MTSS2: variants seen among roughly 807,000 people sequenced by gnomAD.
The protein encoded by MTSS2 is MTSS I-BAR domain containing 2, also known as protein MTSS 2.
A neutral mutation model predicts 67.1 loss-of-function variants in MTSS2; 27 were observed. The observed-to-expected ratio is 0.40, with a 90% CI of 0.30 to 0.55. MTSS2 has a LOEUF of 0.55. Among genes scored for constraint, MTSS2 ranks in the 20% least tolerant of loss-of-function variants. MTSS2 has a pLI of 0.43. For missense variants in MTSS2, 1,171 were observed against 1,067.8 expected (o/e 1.10, Z -1.35); for synonymous variants, 624 against 468.6 (o/e 1.33, Z -4.28).
intron 11 of MTSS2, among the ~76,000 whole-genome samples, chr16:70,666,383 C>T (rs374964241): frequency 6.6e-6 from 1 of 152,190 alleles, no homozygotes; most frequent in South Asian, 2.1e-4. Flanking sequence ...GCGAGGCCCC[C>T]CACTCCTAAA....
Position 70,661,558 on chromosome 16 carries a change from C to CA in MTSS2, c.*2118dup. The CA allele has an allele frequency of 2.8e-6, 1 of 351,502 alleles. No homozygotes were observed. Among genetic ancestry groups the CA allele is most frequent in the Non-Finnish European group, 5.6e-6 (1 of 178,592 alleles). 21.8% of individuals were successfully genotyped at this position (351,502 alleles called of 1,614,324 possible). On this transcript the variant is annotated 3_prime_UTR_variant, in exon 15 of 15. Transcript: ENST00000338779. Reference sequence around the variant, plus strand: ...TAAACGAACGTAAAGTCCCCCAAACCAAAGTTTGTGATGTGGGATGGTTGG... The same window carrying CA: ...TAAACGAACGTAAAGTCCCCCAAACCAAAAGTTTGTGATGTGGGATGGTTGG...
At position 70,681,032 on chromosome 16, in the gene MTSS2, G is replaced by A; in HGVS notation, c.70-7C>T. On this transcript the variant is annotated splice_region_variant and splice_polypyrimidine_tract_variant and intron_variant, in intron 1 of 14. Coordinates refer to ENST00000338779, the MANE Select transcript of MTSS2 (RefSeq NM_138383.3). The stretch of plus-strand genomic sequence containing the variant: ...CCCAGATAGGGTAGGAGCTCTGCCG[G>A]GCAAATGGGAGAGAAAGTGAGCTTC... 1.2e-6 allele frequency: 2 copies of A among 1,607,630 alleles called. No homozygotes were observed. Among genetic ancestry groups the A allele is most frequent in the Non-Finnish European group, 1.7e-6 (2 of 1,177,724 alleles).
intron 3 of MTSS2, 151 bp downstream of exon 3, chr16:70,680,643 C>G: frequency 1.5e-6 from 1 of 674,266 alleles, no homozygotes; most frequent in Non-Finnish European, 2.6e-6. Flanking sequence ...GGGGCTCACT[C>G]TCTCCACAAC....
intron 11 of MTSS2, among the ~76,000 whole-genome samples, chr16:70,673,418 GTGGA>G (rs1355523197): frequency 6.6e-6 from 1 of 152,170 alleles, no homozygotes; most frequent in Non-Finnish European, 1.5e-5. Context: ...CCTTCACAGT[GTGGA>G]TGGAAGACAA....
In MTSS2 at chr16:70,662,230, A is replaced by AC. The variant is rs1423176484; in HGVS notation, c.*1446dup. 6.6e-6 allele frequency: 1 copy of AC among 151,738 alleles called. No individual in the cohort carries two copies. Among genetic ancestry groups the AC allele is most frequent in the Non-Finnish European group, 1.5e-5 (1 of 67,992 alleles). The allele number at this position is 151,738 out of a possible 1,614,324, so 9.4% of individuals were successfully genotyped here. ...AATCATCAAGACCAAGGTGCTCCTG[A>AC]CCCCCAGGTAGGACCCTGCCCTGGG... On this transcript the variant is annotated 3_prime_UTR_variant, in exon 15 of 15. Transcript: ENST00000338779.
At chr16:70,670,602 A>C (rs1203960123) in intron 11 of MTSS2, among the ~76,000 whole-genome samples, 4 of 152,206 alleles carry the variant, frequency 2.6e-5, no homozygotes, top group Admixed American at 2.6e-4. Context: ...GCTGAATCTC[A>C]TAAACATAAC....
rs775013831 is a variant in MTSS2, at chr16:70,664,627, G to A, written c.1442C>T (p.Ser481Phe). ...GGAGGGGATGGTGTCCTCAGAGCAG[G>A]AGGGCGTGGTGGTCTGCGTGCTGTA... Reference protein sequence around the residue: ...SGYSTQTTTPSCSEDTIPSQG... With the variant: ...SGYSTQTTTPFCSEDTIPSQG... Residue 481 changes from serine (S) to phenylalanine (F), a missense_variant, in exon 14 of 15, where the codon TCC (serine) becomes TTC (phenylalanine). By Grantham distance (155) the Ser-to-Phe change is radical. Around this residue, in one of 2 missense-constraint regions of MTSS2, gnomAD observed 924 missense variants for 756.0 expected, o/e 1.22. Transcript: ENST00000338779. 1.2e-6 allele frequency: 2 copies of A among 1,613,242 alleles called. No homozygotes were observed. Among genetic ancestry groups the A allele is most frequent in the Non-Finnish European group, 1.7e-6 (2 of 1,179,912 alleles).
At position 70,679,471 on chromosome 16, in the gene MTSS2, G is replaced by T. The variant is rs947267108; in HGVS notation, c.458-148C>A. On this transcript the variant is annotated intron_variant, in intron 6 of 14. Coordinates refer to ENST00000338779, the MANE Select transcript of MTSS2 (RefSeq NM_138383.3). ...GGAGGTTCTGGACCAGGTTTGGGGG[G>T]AAGGGCAGCTCCCTCTGTCCCACCC... 25 of 1,244,106 alleles carry T rather than the reference G, an allele frequency of 2.0e-5. No homozygotes were observed. The Admixed American group carries it at 4.9e-4, about 24-fold the overall frequency. The allele number at this position is 1,244,106 out of a possible 1,614,324, so 77.1% of individuals were successfully genotyped here.
chr16:70,678,488 T>C, intron 7 of MTSS2, 79 bp from the exon 8 acceptor site: 1 of 1,507,762 alleles, frequency 6.6e-7, no homozygotes, highest in Non-Finnish European at 8.9e-7. Flanking sequence ...CAGACCCTGG[T>C]GGTGGCATCT....
chr16:70,673,398 C>T (rs1003152282), intron 11 of MTSS2, among the ~76,000 whole-genome samples: 6 of 152,104 alleles, frequency 3.9e-5, no homozygotes, highest in Admixed American at 6.6e-5. Flanking sequence ...CAGAACACAG[C>T]GGAAAAATAC....
At chr16:70,670,713 C>T (rs2052901995) in intron 11 of MTSS2, among the ~76,000 whole-genome samples, 1 of 151,986 alleles carries the variant, frequency 6.6e-6, no homozygotes, top group Admixed American at 6.6e-5. Context: ...CCTGAAATCC[C>T]AGTGATTTGG....
At chr16:70,673,790 T>C (rs1019445916) in intron 11 of MTSS2, among the ~76,000 whole-genome samples, 1 of 152,032 alleles carries the variant, frequency 6.6e-6, no homozygotes, top group Non-Finnish European at 1.5e-5. Flanking sequence ...TAAAAAAATA[T>C]ATATTAAGGG....
intron 11 of MTSS2, among the ~76,000 whole-genome samples, chr16:70,671,657 G>C (rs1262183812): frequency 1.3e-5 from 2 of 152,182 alleles, no homozygotes; most frequent in Non-Finnish European, 2.9e-5. Flanking sequence ...AGTACAAGGA[G>C]AAACAGGACA....
At chr16:70,666,239 G>A (rs1410719663) in intron 11 of MTSS2, among the ~76,000 whole-genome samples, 1 of 152,164 alleles carries the variant, frequency 6.6e-6, no homozygotes, top group African/African-American at 2.4e-5. Flanking sequence ...CCATCGGCTT[G>A]GGGCACAGGG....
chr16:70,674,387 G>C lies in MTSS2; in HGVS notation c.972C>G (p.Ser324=). 1 of 1,614,212 alleles carries C rather than the reference G, an allele frequency of 6.2e-7. No individual in the cohort carries two copies. ...GGGAGACGAAGCCAGAGTCATGGGAGGAAACGCTGGAGAGGCGAGCGGTGG... is the reference window on the plus strand; with the variant it reads ...GGGAGACGAAGCCAGAGTCATGGGACGAAACGCTGGAGAGGCGAGCGGTGG... ...ATTTARLSSV[S]SHDSGFVSQD... is the part of the protein sequence containing the mutation. The change falls in exon 11 of 15, where the codon TCC becomes TCG. Residue 324 remains serine (S), a synonymous_variant. Transcript: ENST00000338779.
rs751541144 is a variant in MTSS2, at chr16:70,665,173, A to G, written c.1129-77T>C. On this transcript the variant is annotated intron_variant, in intron 12 of 14. Transcript: ENST00000338779. ...GCCCGGGGGCCCGTCACTGTGGCTG[A>G]GGCTCAGGGTGTCCAGGGCTATCAG... 11 of 1,479,058 alleles carry G rather than the reference A, an allele frequency of 7.4e-6. No individual in the cohort carries two copies. In the East Asian group the frequency reaches 2.5e-4, roughly 34 times the overall value. The allele number at this position is 1,479,058 out of a possible 1,614,324, so 91.6% of individuals were successfully genotyped here. A position where few individuals can be genotyped will look rare whatever the true frequency, so the allele number is the denominator to read the frequency against.
chr16:70,672,617 AT>A (rs754154837), intron 11 of MTSS2, among the ~76,000 whole-genome samples: 5 of 150,500 alleles, frequency 3.3e-5, no homozygotes, highest in Non-Finnish European at 7.4e-5. Flanking sequence ...GTCTAAAATT[AT>A]TTCAAAATAA....
At position 70,683,682 on chromosome 16, in the gene MTSS2, C is replaced by T. The variant is rs909931888; in HGVS notation, c.69+2041G>A. ...GCCCAAGGTCAGGGCCTCCCAGAGG[C>T]CCAGGGGAGGGCTTCTGTGGGGCCT... On this transcript the variant is annotated intron_variant, in intron 1 of 14. Transcript: ENST00000338779. Among the ~76,000 whole-genome samples the T allele has an allele frequency of 3.3e-5, 5 of 152,352 alleles. No individual in the cohort carries two copies. The South Asian group carries it at 8.3e-4, about 25-fold the overall frequency.
At chr16:70,666,060 G>C (rs2151911654) in intron 11 of MTSS2, among the ~76,000 whole-genome samples, 1 of 152,354 alleles carries the variant, frequency 6.6e-6, no homozygotes, top group East Asian at 1.9e-4. Context: ...CAGTGCAGTG[G>C]TCTTGGGGTG....
Sources: allele counts gnomAD v4.1 joint callset (sites outside exome capture counted in the v4.1 genomes callset), GRCh38; gene constraint gnomAD v4.1.1; regional missense constraint gnomAD v4.1.1; transcripts MANE v1.5; gene names NCBI Gene and HGNC (gene_info 2026-07-23, HGNC 2026-07-21).